The following AR variants were observed in gnomAD, a reference collection of about 807,000 sequenced individuals.
The protein encoded by AR is dihydrotestosterone receptor.
AR carries 8 observed loss-of-function variants against 53.9 expected under a neutral mutation model. That is an observed-to-expected ratio of 0.15 (90% CI 0.09 to 0.27). The LOEUF is 0.27. Ranked by LOEUF, AR falls within the 10% of genes least tolerant of loss-of-function variation. AR has a pLI of 1.00. For synonymous variants in AR, 359 were observed against 316.4 expected (o/e 1.13, Z -1.43); for missense variants, 639 against 742.5 (o/e 0.86, Z 1.62).
chrX:67,719,056 A>G (rs1437881469), intron 5 of AR, among the ~76,000 whole-genome samples: 2 of 110,804 alleles, frequency 1.8e-5, no homozygotes, highest in East Asian at 2.9e-4. Flanking sequence ...CTAACCCAGA[A>G]GAGTCTTAAA....
intron 1 of AR, among the ~76,000 whole-genome samples, chrX:67,630,747 C>T (rs1448325473): frequency 2.7e-5 from 3 of 110,773 alleles, no homozygotes; most frequent in Non-Finnish European, 5.7e-5. Flanking sequence ...ATGGTCTTTA[C>T]ATTTTGGCAT....
rs760514526 is a variant in AR at position 67,673,931 on chromosome X, C to T, written c.1769-12079C>T. ...TCTGGGCTTGTTCATACCTGCCCTCCTTGGGAGACTTTCCAAGTATTCGAA... is the reference window on the plus strand; with the variant it reads ...TCTGGGCTTGTTCATACCTGCCCTCTTTGGGAGACTTTCCAAGTATTCGAA... On this transcript the variant is annotated intron_variant, in intron 2 of 7. Transcript: ENST00000374690. Among the ~76,000 whole-genome samples the T allele has an allele frequency of 1.4e-4, 15 of 110,977 alleles. No individual in the cohort carries two copies. In the East Asian group the frequency reaches 1.4e-3, roughly 11 times the overall value.
intron 1 of AR, among the ~76,000 whole-genome samples, chrX:67,558,602 G>GGATGAAA (rs1401001342): frequency 9.0e-6 from 1 of 111,401 alleles, no homozygotes; most frequent in Non-Finnish European, 1.9e-5. Flanking sequence ...GGTTAAAGTA[G>GGATGAAA]AGGCAGAGTG....
intron 1 of AR, among the ~76,000 whole-genome samples, chrX:67,634,044 G>A (rs1349265982): frequency 9.0e-6 from 1 of 111,096 alleles, no homozygotes; most frequent in Admixed American, 9.6e-5. Flanking sequence ...ATATAACTCA[G>A]TAAGCCCATT....
chrX:67,711,932 A>T (rs1330082163), intron 4 of AR, among the ~76,000 whole-genome samples: 1 of 112,380 alleles, frequency 8.9e-6, no homozygotes, highest in East Asian at 2.8e-4. Flanking sequence ...CACAGCAGTC[A>T]TGCTTTCATA....
intron 2 of AR, among the ~76,000 whole-genome samples, chrX:67,652,439 T>G (rs1453327551): frequency 8.9e-6 from 1 of 112,253 alleles, no homozygotes; most frequent in African/African-American, 3.2e-5. Flanking sequence ...TGCAGTATCT[T>G]TAAACACTAA....
chrX:67,624,624 A>T (rs1025065062), intron 1 of AR, among the ~76,000 whole-genome samples: 4 of 110,881 alleles, frequency 3.6e-5, no homozygotes, highest in South Asian at 7.6e-4. Context: ...AAATCTCAAC[A>T]AAATGCTAGC....
At chrX:67,703,542 A>G (rs750328421) in intron 3 of AR, among the ~76,000 whole-genome samples, 1 of 111,751 alleles carries the variant, frequency 8.9e-6, no homozygotes, top group South Asian at 3.7e-4. Context: ...AGGCAGAAAG[A>G]TTCTCTCACT....
At chrX:67,678,913 G>C (rs1481339913) in intron 2 of AR, among the ~76,000 whole-genome samples, 3 of 111,605 alleles carry the variant, frequency 2.7e-5, no homozygotes, top group Non-Finnish European at 5.6e-5. Flanking sequence ...GATAATAAAA[G>C]GGTACAATGT....
chrX:67,705,559 G>T (rs1167993608), intron 3 of AR, among the ~76,000 whole-genome samples: 3 of 111,466 alleles, frequency 2.7e-5, no homozygotes, highest in Non-Finnish European at 1.9e-5. Flanking sequence ...AGACAATGGG[G>T]TTTTCTAGAT....
intron 2 of AR, among the ~76,000 whole-genome samples, chrX:67,669,337 G>A (rs751313276): frequency 9.0e-6 from 1 of 110,978 alleles, no homozygotes; most frequent in African/African-American, 3.3e-5. Flanking sequence ...TTTCCATGTG[G>A]TTTGTATAGT....
At chrX:67,681,026 T>C in intron 2 of AR, 1 of 192,353 alleles carries the variant, frequency 5.2e-6, no homozygotes, top group East Asian at 1.3e-4. Flanking sequence ...TTAAGATTTT[T>C]CTAATAAGAC....
At chrX:67,660,433 G>T (rs746713747) in intron 2 of AR, among the ~76,000 whole-genome samples, 1 of 111,506 alleles carries the variant, frequency 9.0e-6, no homozygotes, top group South Asian at 3.8e-4. Context: ...TCTACATATG[G>T]CTAGCCAGTT....
intron 2 of AR, among the ~76,000 whole-genome samples, chrX:67,683,759 T>C (rs1326438088): frequency 8.9e-6 from 1 of 112,306 alleles, no homozygotes; most frequent in Non-Finnish European, 1.9e-5. Flanking sequence ...GCTTTTGCAC[T>C]TACTCCTGAG....
At chrX:67,568,442 A>G (rs1404561793) in intron 1 of AR, among the ~76,000 whole-genome samples, 1 of 111,598 alleles carries the variant, frequency 9.0e-6, no homozygotes, top group East Asian at 2.9e-4. Flanking sequence ...CAGATTGGAA[A>G]TCGAGGGCTT....
At chrX:67,705,326 C>T (rs1017645585) in intron 3 of AR, among the ~76,000 whole-genome samples, 15 of 111,034 alleles carry the variant, frequency 1.4e-4, no homozygotes, top group Non-Finnish European at 2.8e-4. Context: ...TTTCATTGAG[C>T]AGTGGTTTGT....
intron 1 of AR, among the ~76,000 whole-genome samples, chrX:67,640,848 T>G (rs1312580783): frequency 1.8e-5 from 2 of 111,758 alleles, no homozygotes; most frequent in Non-Finnish European, 3.8e-5. Flanking sequence ...CATACATTTG[T>G]GTCTTTCAAA....
At chrX:67,704,600 T>TGTAG (rs1457506272) in intron 3 of AR, among the ~76,000 whole-genome samples, 1 of 112,050 alleles carries the variant, frequency 8.9e-6, no homozygotes, top group African/African-American at 3.3e-5. Context: ...GTAGGTTGCC[T>TGTAG]GTTCACTCTG....
intron 7 of AR, among the ~76,000 whole-genome samples, chrX:67,723,314 G>GTC: frequency 7.7e-5 from 1 of 13,000 alleles, no homozygotes; most frequent in African/African-American, 1.5e-4. Flanking sequence ...TTGTCTGTCT[G>GTC]TGTGTGTGTG....
Sources: gnomAD v4.1 joint callset for allele counts (sites outside exome capture counted in the v4.1 genomes callset) on GRCh38, gnomAD v4.1.1 for gene constraint, MANE v1.5 for transcripts, NCBI Gene and HGNC (gene_info 2026-07-23, HGNC 2026-07-21) for gene names.